MEGF10: variants seen among roughly 807,000 people sequenced by gnomAD.
The protein encoded by MEGF10 is multiple epidermal growth factor-like domains protein 10.
MEGF10 carries 86 observed loss-of-function variants against 147.5 expected under a neutral mutation model. The ratio of observed to expected loss-of-function variants is 0.58; its 90% CI spans 0.49 to 0.70. MEGF10 has a LOEUF of 0.70. MEGF10 is among the 30% of genes least tolerant of loss of function. The probability of loss-of-function intolerance (pLI) is 0.00; values close to 1 mark genes in which losing one functional copy is unlikely to be tolerated. For missense variants in MEGF10, 1,329 were observed against 1,487.3 expected (o/e 0.89, Z 1.75); for synonymous variants, 478 against 525.5 (o/e 0.91, Z 1.24).
the MEGF10 span, among the ~76,000 whole-genome samples, chr5:127,262,238 A>G: frequency 6.6e-6 from 1 of 152,116 alleles, no homozygotes; most frequent in Admixed American, 6.6e-5. Flanking sequence ...AATTTTACAG[A>G]TTTAGTAGGT....
the MEGF10 span, among the ~76,000 whole-genome samples, chr5:127,270,326 T>C: frequency 0.05 from 7,625 of 152,206 alleles, 320 homozygotes; most frequent in African/African-American, 0.11. Context: ...GTGTGCTGTA[T>C]TCAGGAGACC....
At chr5:127,366,954 C>T (rs1214405947) in intron 4 of MEGF10, among the ~76,000 whole-genome samples, 2 of 152,200 alleles carry the variant, frequency 1.3e-5, no homozygotes, top group Non-Finnish European at 2.9e-5. Context: ...TCTTACTTCT[C>T]TGGAACATAT....
Position 127,458,764 on chromosome 5 carries a change from A to T in MEGF10, c.*1446A>T, listed in dbSNP as rs1398633165. The T allele has an allele frequency of 1.3e-5, 2 of 152,174 alleles. No individual in the cohort carries two copies. Among genetic ancestry groups the T allele is most frequent in the Non-Finnish European group, 2.9e-5 (2 of 68,038 alleles). 9.4% of individuals were successfully genotyped at this position (152,174 alleles called of 1,614,324 possible). On this transcript the variant is annotated 3_prime_UTR_variant, in exon 25 of 25. Transcript: ENST00000503335. Reference sequence around the variant, plus strand: ...GTTAAACCAGGGAGAAGGGGAGCAGAAAGGAAACGTTGTTACTGATGAGTA... The same window carrying T: ...GTTAAACCAGGGAGAAGGGGAGCAGTAAGGAAACGTTGTTACTGATGAGTA...
chr5:127,338,592 A>G (rs564245025), intron 2 of MEGF10, among the ~76,000 whole-genome samples: 13 of 152,272 alleles, frequency 8.5e-5, no homozygotes, highest in South Asian at 6.2e-4. Context: ...TAGTTGTTGT[A>G]TACTGTATAG....
the MEGF10 span, among the ~76,000 whole-genome samples, chr5:127,243,865 C>G: frequency 6.6e-6 from 1 of 151,918 alleles, no homozygotes; most frequent in Non-Finnish European, 1.5e-5. Context: ...ATCTAGAGAC[C>G]AAAAATATGT....
rs1766405524 is a variant in MEGF10 at position 127,457,356 on chromosome 5, C to T, written c.*38C>T. ...GCTTGGTAGCCACTGGAACCCTTTC[C>T]AGAACTGCTGTTTGGTTCTTCTCCA... On this transcript the variant is annotated 3_prime_UTR_variant, in exon 25 of 25. Transcript: ENST00000503335. 1 of 1,589,568 alleles carries T rather than the reference C, an allele frequency of 6.3e-7. No homozygotes were observed. Among genetic ancestry groups the T allele is most frequent in the Non-Finnish European group, 8.5e-7 (1 of 1,170,368 alleles).
chr5:127,265,747 G>A, the MEGF10 span, among the ~76,000 whole-genome samples: 29 of 152,218 alleles, frequency 1.9e-4, no homozygotes, highest in Admixed American at 1.7e-3. Flanking sequence ...CATATCCTTT[G>A]CCCACTTGTT....
chr5:127,236,462 A>G, the MEGF10 span, among the ~76,000 whole-genome samples: 1 of 152,218 alleles, frequency 6.6e-6, no homozygotes, highest in Non-Finnish European at 1.5e-5. Context: ...CTCCATGTAC[A>G]GTTTGCCAAG....
At chr5:127,363,261 T>C (rs1762540768) in intron 4 of MEGF10, among the ~76,000 whole-genome samples, 1 of 152,224 alleles carries the variant, frequency 6.6e-6, no homozygotes, top group African/African-American at 2.4e-5. Context: ...TAGTTACAAA[T>C]CATGTTTTAC....
At chr5:127,231,455 GT>G in the MEGF10 span, among the ~76,000 whole-genome samples, 1 of 152,178 alleles carries the variant, frequency 6.6e-6, no homozygotes, top group Admixed American at 6.5e-5. Context: ...CATCCATCAG[GT>G]CTCTGCTTAA....
intron 18 of MEGF10, 127 bp downstream of exon 18, chr5:127,440,994 TCTC>T: frequency 8.1e-7 from 1 of 1,240,962 alleles, no homozygotes; most frequent in Non-Finnish European, 1.1e-6. Flanking sequence ...GCTGGTTACT[TCTC>T]AGCATGACTG....
Position 127,332,821 on chromosome 5 carries a change from A to G in MEGF10, c.116+1397A>G, listed in dbSNP as rs553227717. Among the ~76,000 whole-genome samples the G allele has an allele frequency of 2.6e-5, 4 of 152,280 alleles. No homozygotes were observed. In the South Asian group the frequency reaches 8.3e-4, roughly 32 times the overall value. On this transcript the variant is annotated intron_variant, in intron 2 of 24. Coordinates refer to ENST00000503335, the MANE Select transcript of MEGF10 (RefSeq NM_001256545.2). ...AAGTCATGAATCATTGGCTACATCA[A>G]TGGGTACAGGTCAAATTTAGTAAAG...
Position 127,422,155 on chromosome 5 carries a change from G to A in MEGF10, c.1591-515G>A, listed in dbSNP as rs187153704. Among the ~76,000 whole-genome samples, 493 of 152,218 alleles carry A rather than the reference G, an allele frequency of 3.2e-3. 4 individuals are homozygous for A. The highest frequency in any genetic ancestry group is 4.4e-3 in the Admixed American group (68 of 15,290). On this transcript the variant is annotated intron_variant, in intron 12 of 24. Coordinates refer to ENST00000503335, the MANE Select transcript of MEGF10 (RefSeq NM_001256545.2). Reference sequence around the variant, plus strand: ...GTGTCAGGCATAAACTAGGGTTTGAGTGACTTTAAAACACTGACTTCCTGG... The same window carrying A: ...GTGTCAGGCATAAACTAGGGTTTGAATGACTTTAAAACACTGACTTCCTGG...
At chr5:127,391,784 A>G (rs1395298220) in intron 5 of MEGF10, among the ~76,000 whole-genome samples, 1 of 152,158 alleles carries the variant, frequency 6.6e-6, no homozygotes, top group African/African-American at 2.4e-5. Flanking sequence ...CTCTGCTGAA[A>G]TGAAGAAAGA....
At position 127,294,799 on chromosome 5, in the gene MEGF10, AAATAAT is replaced by A. The variant is rs200086613; in HGVS notation, c.-19+3776_-19+3781del. On this transcript the variant is annotated intron_variant, in intron 1 of 24. Coordinates refer to ENST00000503335, the MANE Select transcript of MEGF10 (RefSeq NM_001256545.2). Reference sequence around the variant, plus strand: ...GGGTGACAGAGTGAGACTCTGTCTCAAATAATAATAATAATAATAATAATAATAATA... The same window carrying A: ...GGGTGACAGAGTGAGACTCTGTCTCAAATAATAATAATAATAATAATAATA... 9.0e-3 allele frequency among the ~76,000 whole-genome samples: 973 copies of A among 108,048 alleles called. 7 individuals are homozygous for A. Among genetic ancestry groups the A allele is most frequent in the Admixed American group, 0.014 (145 of 10,378 alleles). The allele number at this position is 108,048 out of a possible 152,430, so 70.9% of individuals were successfully genotyped here.
At chr5:127,289,743 T>C (rs1461218959), upstream of MEGF10, among the ~76,000 whole-genome samples, 4 of 152,214 alleles carry the variant, frequency 2.6e-5, no homozygotes, top group Admixed American at 6.5e-5. Flanking sequence ...AGGAGCGTTA[T>C]TGAGTAGGGA....
chr5:127,457,613 T>C lies in MEGF10; in HGVS notation c.*295T>C, dbSNP rs1766414924. Reference sequence around the variant, plus strand: ...GAAAGCATGAACTTGCAGAACTCCCTCGGAGACGCAGGTTGCAGTGGACAT... The same window carrying C: ...GAAAGCATGAACTTGCAGAACTCCCCCGGAGACGCAGGTTGCAGTGGACAT... On this transcript the variant is annotated 3_prime_UTR_variant, in exon 25 of 25. Coordinates refer to ENST00000503335, the MANE Select transcript of MEGF10 (RefSeq NM_001256545.2). 2.9e-6 allele frequency: 1 copy of C among 349,974 alleles called. No individual in the cohort carries two copies. The highest frequency in any genetic ancestry group is 5.2e-6 in the Non-Finnish European group (1 of 191,316). 21.7% of individuals were successfully genotyped at this position (349,974 alleles called of 1,614,324 possible).
intron 4 of MEGF10, among the ~76,000 whole-genome samples, chr5:127,352,360 C>T (rs1453753249): frequency 2.0e-5 from 3 of 152,122 alleles, no homozygotes; most frequent in African/African-American, 7.2e-5. Flanking sequence ...ATGCTGTTCA[C>T]TTTAAAAACT....
At chr5:127,300,086 C>T (rs1759703117) in intron 1 of MEGF10, 1 of 152,194 alleles carries the variant, frequency 6.6e-6, no homozygotes, top group South Asian at 2.1e-4. Context: ...TTCATTCCCC[C>T]CCTCTGTTAC....
Sources: gnomAD v4.1 joint callset for allele counts (sites outside exome capture counted in the v4.1 genomes callset) on GRCh38, gnomAD v4.1.1 for gene constraint, MANE v1.5 for transcripts, NCBI Gene and HGNC (gene_info 2026-07-23, HGNC 2026-07-21) for gene names.